Variants in LINGO2 observed in about 807,000 individuals in gnomAD.
LINGO2 encodes the protein leucine rich repeat and Ig domain containing 2.
Under a neutral mutation model 30.6 loss-of-function variants are expected in LINGO2, and 14 were observed. The observed-to-expected ratio is 0.46, with a 90% CI of 0.30 to 0.72. LINGO2 has a LOEUF of 0.72. Ranked by LOEUF, LINGO2 falls within the 30% of genes least tolerant of loss-of-function variation. The probability of loss-of-function intolerance (pLI) is 0.07; values close to 1 mark genes in which losing one functional copy is unlikely to be tolerated. For synonymous variants in LINGO2, 317 were observed against 288.5 expected (o/e 1.10, Z -1.00); for missense variants, 729 against 751.7 (o/e 0.97, Z 0.35).
chr9:29,080,676 T>C, the LINGO2 span, among the ~76,000 whole-genome samples: 2 of 152,096 alleles, frequency 1.3e-5, no homozygotes, highest in Non-Finnish European at 2.9e-5. Context: ...AGAACATCTT[T>C]ATTTCTGCCT....
chr9:28,524,253 C>G (rs1056402011), intron 1 of LINGO2, among the ~76,000 whole-genome samples: 3 of 151,956 alleles, frequency 2.0e-5, no homozygotes, highest in Non-Finnish European at 4.4e-5. Context: ...CTACCTCACA[C>G]CATACACACA....
At chr9:28,582,928 A>G (rs142477849) in intron 1 of LINGO2, among the ~76,000 whole-genome samples, 1 of 152,016 alleles carries the variant, frequency 6.6e-6, no homozygotes, top group East Asian at 1.9e-4. Flanking sequence ...TAACTCCTCT[A>G]GTTGTTAGTA....
intron 1 of LINGO2, among the ~76,000 whole-genome samples, chr9:28,488,361 C>G (rs1309080436): frequency 1.3e-5 from 2 of 152,120 alleles, no homozygotes; most frequent in Non-Finnish European, 2.9e-5. Flanking sequence ...ACCCAAGGAA[C>G]TGAAATATAT....
At chr9:28,888,885 G>A in the LINGO2 span, 3 of 534,034 alleles carry the variant, frequency 5.6e-6, no homozygotes, top group Non-Finnish European at 7.7e-6. Flanking sequence ...AGATTTGTGG[G>A]TGTTCCCGGG....
At chr9:28,311,436 G>A (rs1011363008) in intron 3 of LINGO2, among the ~76,000 whole-genome samples, 3 of 152,112 alleles carry the variant, frequency 2.0e-5, no homozygotes, top group African/African-American at 7.2e-5. Flanking sequence ...GCCTGGGAGC[G>A]CTACTGGAGA....
At chr9:28,433,064 T>C (rs1054629964) in intron 2 of LINGO2, among the ~76,000 whole-genome samples, 1 of 152,098 alleles carries the variant, frequency 6.6e-6, no homozygotes, top group Non-Finnish European at 1.5e-5. Context: ...AGCATAGTAA[T>C]TAATTGTTAC....
chr9:28,445,726 T>C (rs1824398033), intron 2 of LINGO2, among the ~76,000 whole-genome samples: 1 of 152,112 alleles, frequency 6.6e-6, no homozygotes, highest in Non-Finnish European at 1.5e-5. Flanking sequence ...GAAACAAAAA[T>C]TTAAGAATAT....
the LINGO2 span, among the ~76,000 whole-genome samples, chr9:28,788,552 T>C: frequency 2.6e-5 from 4 of 152,186 alleles, no homozygotes; most frequent in Admixed American, 6.5e-5. Context: ...TGCCCAAGAC[T>C]GGGTAATTTA....
intron 1 of LINGO2, among the ~76,000 whole-genome samples, chr9:28,550,178 G>A (rs1822199538): frequency 6.6e-6 from 1 of 151,798 alleles, no homozygotes; most frequent in Admixed American, 6.6e-5. Context: ...TAAGAATTAA[G>A]CATCAATATG....
intron 4 of LINGO2, among the ~76,000 whole-genome samples, chr9:28,211,832 T>G (rs992186452): frequency 6.6e-6 from 1 of 151,414 alleles, no homozygotes; most frequent in African/African-American, 2.4e-5. Flanking sequence ...CTAAATTTAC[T>G]CTTACTTTCC....
intron 3 of LINGO2, among the ~76,000 whole-genome samples, chr9:28,336,212 G>A (rs1354246948): frequency 6.6e-6 from 1 of 151,928 alleles, no homozygotes; most frequent in Non-Finnish European, 1.5e-5. Context: ...CTTCTCATTT[G>A]TATATATTCT....
At chr9:28,084,485 A>G (rs1825854860) in intron 4 of LINGO2, among the ~76,000 whole-genome samples, 1 of 152,148 alleles carries the variant, frequency 6.6e-6, no homozygotes, top group Admixed American at 6.6e-5. Context: ...CAGTTAACAT[A>G]TACCTGGTAT....
intron 4 of LINGO2, among the ~76,000 whole-genome samples, chr9:28,290,344 T>G (rs554326302): frequency 6.6e-6 from 1 of 152,288 alleles, no homozygotes; most frequent in South Asian, 2.1e-4. Context: ...CATACCAACT[T>G]ACGCCTCACC....
the LINGO2 span, among the ~76,000 whole-genome samples, chr9:28,891,756 ATTTAGAG>A: frequency 6.6e-6 from 1 of 151,944 alleles, no homozygotes; most frequent in African/African-American, 2.4e-5. Context: ...GAAATAAATT[ATTTAGAG>A]AATACTCATG....
chr9:28,284,735 GAT>G (rs1157874183), intron 4 of LINGO2, among the ~76,000 whole-genome samples: 2 of 152,120 alleles, frequency 1.3e-5, no homozygotes, highest in Non-Finnish European at 2.9e-5. Context: ...CTACTGTAAA[GAT>G]ATATGTTAAC....
chr9:28,216,155 T>G (rs10968391), intron 4 of LINGO2, among the ~76,000 whole-genome samples: 24,586 of 151,892 alleles, frequency 0.16, 2,173 homozygotes, highest in South Asian at 0.29. Flanking sequence ...GTTAGTGGAA[T>G]GCATAAATGC....
rs560133461 is a variant in LINGO2, at chr9:28,392,095, C to T, written c.-278-19227G>A. Among the ~76,000 whole-genome samples, 6 of 152,220 alleles carry T rather than the reference C, an allele frequency of 3.9e-5. No individual in the cohort carries two copies. In the South Asian group the frequency reaches 6.2e-4, roughly 16 times the overall value. On this transcript the variant is annotated intron_variant, in intron 2 of 5. Coordinates refer to ENST00000379992, the Ensembl canonical transcript of LINGO2. ...GCACGTGCCTGTAGTCCCGGTTACTCGGGAGGCTGAGGCAGGAGAATCTCT... is the reference window on the plus strand; with the variant it reads ...GCACGTGCCTGTAGTCCCGGTTACTTGGGAGGCTGAGGCAGGAGAATCTCT...
intron 4 of LINGO2, among the ~76,000 whole-genome samples, chr9:28,268,413 C>T (rs1342383971): frequency 6.6e-6 from 1 of 151,992 alleles, no homozygotes; most frequent in African/African-American, 2.4e-5. Context: ...ACAGAGTTTC[C>T]ATGACACAAC....
At chr9:28,738,829 A>G in the LINGO2 span, among the ~76,000 whole-genome samples, 63 of 152,182 alleles carry the variant, frequency 4.1e-4, 1 homozygote, top group South Asian at 8.5e-3. Flanking sequence ...ATAAAAATAG[A>G]TATTTTAAGT....
Sources: allele counts gnomAD v4.1 joint callset (sites outside exome capture counted in the v4.1 genomes callset), GRCh38; gene constraint gnomAD v4.1.1; transcripts MANE v1.5; gene names NCBI Gene and HGNC (gene_info 2026-07-23, HGNC 2026-07-21).